FERD3L: variants seen among roughly 807,000 people sequenced by gnomAD.
The protein encoded by FERD3L is fer3-like protein.
A neutral mutation model predicts 7.5 loss-of-function variants in FERD3L; 7 were observed. The ratio of observed to expected loss-of-function variants is 0.94; its 90% CI spans 0.53 to 1.76. The LOEUF is 1.76. FERD3L is among the 40% of genes most tolerant of loss of function. The pLI is 0.00. For missense variants in FERD3L, 264 were observed against 220.9 expected (o/e 1.20, Z -1.24); for synonymous variants, 122 against 94.4 (o/e 1.29, Z -1.70).
rs746140479 is a variant in FERD3L at position 19,145,312 on chromosome 7, G to A, written c.51C>T (p.Val17=). The change falls in exon 1 of 1, where the codon GTC becomes GTT. Residue 17 remains valine (V), a synonymous_variant. Coordinates refer to ENST00000275461, the MANE Select transcript of FERD3L (RefSeq NM_152898.2). ...SCVDTTVLDF[V]ADLSLASPRR... is the part of the protein sequence containing the mutation. ...TCGGGGAGGCCAGGGACAGGTCTGCGACGAAGTCCAGCACCGTAGTGTCCA... is the reference window on the plus strand; with the variant it reads ...TCGGGGAGGCCAGGGACAGGTCTGCAACGAAGTCCAGCACCGTAGTGTCCA... 6.2e-7 allele frequency: 1 copy of A among 1,610,672 alleles called. No individual in the cohort carries two copies. Among genetic ancestry groups the A allele is most frequent in the Non-Finnish European group, 8.5e-7 (1 of 1,179,332 alleles).
Position 19,145,411 on chromosome 7 carries a change from A to C in FERD3L, c.-49T>G. On this transcript the variant is annotated 5_prime_UTR_variant, in exon 1 of 1. Transcript: ENST00000275461. ...CATCGGTTTTCCGCAGGGAGGGGCG[A>C]GGTTGCTGGTGGGGATTCTTAACAG... is the stretch of plus-strand genomic sequence containing the variant. The C allele has an allele frequency of 1.3e-6, 2 of 1,526,974 alleles. No individual in the cohort carries two copies. The highest frequency in any genetic ancestry group is 8.8e-7 in the Non-Finnish European group (1 of 1,138,340). 94.6% of individuals were successfully genotyped at this position (1,526,974 alleles called of 1,614,324 possible). A position where few individuals can be genotyped will look rare whatever the true frequency, so the allele number is the denominator to read the frequency against.
At position 19,144,878 on chromosome 7, in the gene FERD3L, T is replaced by G. The variant is rs1020087483; in HGVS notation, c.485A>C (p.Lys162Thr). The G allele has an allele frequency of 6.2e-7, 1 of 1,613,796 alleles. No individual in the cohort carries two copies. The change falls in exon 1 of 1, where the codon AAG (lysine) becomes ACG (threonine). Residue 162 changes from lysine (K) to threonine (T), a missense_variant. Lys to Thr is a moderately conservative substitution (Grantham distance 78). Transcript: ENST00000275461. Reference protein sequence around the residue: ...FMTELLESCEKKESG With the variant: ...FMTELLESCETKESG ...ACACCAGGCTCAGCCGCTTTCCTTC[T>G]TCTCACAGCTCTCCAAGAGCTCGGT... is the stretch of plus-strand genomic sequence containing the variant.
rs768494350 is a variant in FERD3L at position 19,145,145 on chromosome 7, T to C, written c.218A>G (p.Asp73Gly). The C allele has an allele frequency of 3.1e-6, 5 of 1,611,722 alleles. No homozygotes were observed. The highest frequency in any genetic ancestry group is 2.2e-5 in the East Asian group (1 of 44,778). ...CTCCTCTTCCTCCTCCTCTTCTCCG[T>C]CCCCCTGGTCCACTTCGCACTCCTC... Reference protein sequence around the residue: ...EEEECEVDQGDGEEEEEEERG... With the variant: ...EEEECEVDQGGGEEEEEEERG... The change falls in exon 1 of 1, where the codon GAC becomes GGC. Residue 73 changes from aspartate (D) to glycine (G), a missense_variant. Physicochemically the swap from Asp to Gly is moderately conservative, Grantham distance 94 (BLOSUM62 -1). Coordinates refer to ENST00000275461, the MANE Select transcript of FERD3L (RefSeq NM_152898.2).
chr7:19,145,354 G>C lies in FERD3L; in HGVS notation c.9C>G (p.Ala3=). The change falls in exon 1 of 1, where the codon GCC becomes GCG. Residue 3 remains alanine (A), a synonymous_variant. Coordinates refer to ENST00000275461, the MANE Select transcript of FERD3L (RefSeq NM_152898.2). ...TAGTGTCCACGCAGCTCTCCGGATAGGCCGCCATCGCTTCGGCTTGGCCCT... is the reference window on the plus strand; with the variant it reads ...TAGTGTCCACGCAGCTCTCCGGATACGCCGCCATCGCTTCGGCTTGGCCCT... MA[A]YPESCVDTTV... 6.3e-7 allele frequency: 1 copy of C among 1,579,940 alleles called. No homozygotes were observed. Among genetic ancestry groups the C allele is most frequent in the Non-Finnish European group, 8.6e-7 (1 of 1,158,824 alleles).
Position 19,145,337 on chromosome 7 carries a change from AC to A in FERD3L, c.25del (p.Val9TrpfsTer81). ...GACGAAGTCCAGCACCGTAGTGTCC[AC>A]GCAGCTCTCCGGATAGGCCGCCATC... MAAYPESC[V>X]DTTVLDFVAD... On this transcript the variant is annotated frameshift_variant, in exon 1 of 1. Coordinates refer to ENST00000275461, the MANE Select transcript of FERD3L (RefSeq NM_152898.2). LOFTEE classifies it high-confidence loss of function. 7 of 1,590,590 alleles carry A rather than the reference AC, an allele frequency of 4.4e-6. No homozygotes were observed. Among genetic ancestry groups the A allele is most frequent in the Non-Finnish European group, 5.2e-6 (6 of 1,164,580 alleles).
chr7:19,144,880 C>G lies in FERD3L; in HGVS notation c.483G>C (p.Glu161Asp). 3.1e-6 allele frequency: 5 copies of G among 1,614,060 alleles called. No homozygotes were observed. Among genetic ancestry groups the G allele is most frequent in the Non-Finnish European group, 4.2e-6 (5 of 1,179,936 alleles). Reference sequence around the variant, plus strand: ...ACCAGGCTCAGCCGCTTTCCTTCTTCTCACAGCTCTCCAAGAGCTCGGTCA... The same window carrying G: ...ACCAGGCTCAGCCGCTTTCCTTCTTGTCACAGCTCTCCAAGAGCTCGGTCA... Reference protein sequence around the residue: ...SFMTELLESCEKKESG With the variant: ...SFMTELLESCDKKESG Residue 161 changes from glutamate to aspartate, a missense_variant, in exon 1 of 1, where the codon GAG (glutamate) becomes GAC (aspartate). Glu to Asp is a conservative substitution (Grantham distance 45). Coordinates refer to ENST00000275461, the MANE Select transcript of FERD3L (RefSeq NM_152898.2).
Position 19,144,868 on chromosome 7 carries a change from G to C in FERD3L, c.495C>G (p.Ser165Arg). 1 of 1,613,600 alleles carries C rather than the reference G, an allele frequency of 6.2e-7. No individual in the cohort carries two copies. The highest frequency in any genetic ancestry group is 8.5e-7 in the Non-Finnish European group (1 of 1,179,586). Reference protein sequence around the residue: ...ELLESCEKKESG With the variant: ...ELLESCEKKERG ...CAGACTCTCCACACCAGGCTCAGCC[G>C]CTTTCCTTCTTCTCACAGCTCTCCA... is the stretch of plus-strand genomic sequence containing the variant. Residue 165 changes from serine to arginine, a missense_variant, in exon 1 of 1, where the codon AGC becomes AGG. By Grantham distance (110) the Ser-to-Arg change is moderately radical (BLOSUM62 -1). Transcript: ENST00000275461.
chr7:19,145,092 G>T lies in FERD3L; in HGVS notation c.271C>A (p.Arg91Ser), dbSNP rs767735592. 6.2e-7 allele frequency: 1 copy of T among 1,613,724 alleles called. No individual in the cohort carries two copies. Reference protein sequence around the residue: ...ERGRGVSLLGRPKRKRVITYA... With the variant: ...ERGRGVSLLGSPKRKRVITYA... ...GTGATCACCCTTTTCCTCTTGGGGC[G>T]GCCTAATAGGGAGACACCTCTTCCG... The change falls in exon 1 of 1, where the codon CGC (arginine) becomes AGC (serine). Residue 91 changes from arginine (R) to serine (S), a missense_variant. Physicochemically the swap from Arg to Ser is moderately radical, Grantham distance 110. Coordinates refer to ENST00000275461, the MANE Select transcript of FERD3L (RefSeq NM_152898.2).
chr7:19,145,126 T>TTCC lies in FERD3L; in HGVS notation c.234_236dup (p.Glu81dup), dbSNP rs749621995. On this transcript the variant is annotated inframe_insertion, in exon 1 of 1. Coordinates refer to ENST00000275461, the MANE Select transcript of FERD3L (RefSeq NM_152898.2). The stretch of plus-strand genomic sequence containing the variant: ...GGGAGACACCTCTTCCGCGCTCCTC[T>TTCC]TCCTCCTCCTCTTCTCCGTCCCCCT... 167 of 1,612,664 alleles carry TTCC rather than the reference T, an allele frequency of 1.0e-4. 1 individual carries two copies. Among genetic ancestry groups the TTCC allele is most frequent in the Non-Finnish European group, 1.3e-4 (154 of 1,179,020 alleles).
At position 19,145,121 on chromosome 7, in the gene FERD3L, T is replaced by C. The variant is rs753124786; in HGVS notation, c.242A>G (p.Glu81Gly). ...TAATAGGGAGACACCTCTTCCGCGC[T>C]CCTCTTCCTCCTCCTCTTCTCCGTC... ...QGDGEEEEEE[E>G]RGRGVSLLGR... Residue 81 changes from glutamate (E) to glycine (G), a missense_variant, in exon 1 of 1, where the codon GAG (glutamate) becomes GGG (glycine). By Grantham distance (98) the Glu-to-Gly change is moderately conservative. Transcript: ENST00000275461. The C allele has an allele frequency of 6.2e-7, 1 of 1,604,854 alleles. No homozygotes were observed. The highest frequency in any genetic ancestry group is 8.5e-7 in the Non-Finnish European group (1 of 1,173,800).
rs1185884849 is a variant in FERD3L, at chr7:19,145,382, C to G, written c.-20G>C. 2 of 1,560,828 alleles carry G rather than the reference C, an allele frequency of 1.3e-6. No individual in the cohort carries two copies. Among genetic ancestry groups the G allele is most frequent in the Non-Finnish European group, 1.7e-6 (2 of 1,151,620 alleles). ...CGCCATCGCTTCGGCTTGGCCCTGC[C>G]TCTCATCGGTTTTCCGCAGGGAGGG... is the stretch of plus-strand genomic sequence containing the variant. On this transcript the variant is annotated 5_prime_UTR_variant, in exon 1 of 1. Coordinates refer to ENST00000275461, the MANE Select transcript of FERD3L (RefSeq NM_152898.2).
At position 19,145,305 on chromosome 7, in the gene FERD3L, G is replaced by T. The variant is rs771969370; in HGVS notation, c.58C>A (p.Leu20Met). The change falls in exon 1 of 1, where the codon CTG (leucine) becomes ATG (methionine). Residue 20 changes from leucine to methionine, a missense_variant. Coordinates refer to ENST00000275461, the MANE Select transcript of FERD3L (RefSeq NM_152898.2). ...DTTVLDFVAD[L>M]SLASPRRPLL... ...GGGCGTCTCGGGGAGGCCAGGGACA[G>T]GTCTGCGACGAAGTCCAGCACCGTA... The T allele has an allele frequency of 1.9e-6, 3 of 1,611,234 alleles. No homozygotes were observed. The African/African-American group carries it at 4.0e-5, about 22-fold the overall frequency.
In FERD3L at chr7:19,145,349, G is replaced by A. The variant is rs145174585; in HGVS notation, c.14C>T (p.Pro5Leu). The A allele has an allele frequency of 8.2e-6, 13 of 1,582,254 alleles. No individual in the cohort carries two copies. Among genetic ancestry groups the A allele is most frequent in the Non-Finnish European group, 1.0e-5 (12 of 1,159,904 alleles). The change falls in exon 1 of 1, where the codon CCG (proline) becomes CTG (leucine). Residue 5 changes from proline (P) to leucine (L), a missense_variant. Pro to Leu is a moderately conservative substitution (Grantham distance 98). Coordinates refer to ENST00000275461, the MANE Select transcript of FERD3L (RefSeq NM_152898.2). The part of the protein sequence containing the change: MAAY[P>L]ESCVDTTVLD... Reference sequence around the variant, plus strand: ...CACCGTAGTGTCCACGCAGCTCTCCGGATAGGCCGCCATCGCTTCGGCTTG... The same window carrying A: ...CACCGTAGTGTCCACGCAGCTCTCCAGATAGGCCGCCATCGCTTCGGCTTG...
At position 19,145,336 on chromosome 7, in the gene FERD3L, C is replaced by A. The variant is rs1165682266; in HGVS notation, c.27G>T (p.Val9=). 1 of 1,590,394 alleles carries A rather than the reference C, an allele frequency of 6.3e-7. No individual in the cohort carries two copies. Among genetic ancestry groups the A allele is most frequent in the East Asian group, 2.3e-5 (1 of 44,216 alleles). Residue 9 remains valine (V), a synonymous_variant, in exon 1 of 1, where the codon GTG becomes GTT. Transcript: ENST00000275461. MAAYPESC[V]DTTVLDFVAD... ...CGACGAAGTCCAGCACCGTAGTGTC[C>A]ACGCAGCTCTCCGGATAGGCCGCCA... is the stretch of plus-strand genomic sequence containing the variant.
In FERD3L at chr7:19,145,237, T is replaced by C. The variant is rs1329761199; in HGVS notation, c.126A>G (p.Pro42=). Residue 42 remains proline (P), a synonymous_variant, in exon 1 of 1, where the codon CCA becomes CCG. Coordinates refer to ENST00000275461, the MANE Select transcript of FERD3L (RefSeq NM_152898.2). The stretch of plus-strand genomic sequence containing the variant: ...GTCTTCCCTCTCGGAGCGCAAGGGC[T>C]GGGTCCCCCAAGGAGACCCCGGGTG... ...DFAPGVSLGD[P]ALALREGRPR... The C allele has an allele frequency of 6.2e-7, 1 of 1,614,070 alleles. No individual in the cohort carries two copies. Among genetic ancestry groups the C allele is most frequent in the South Asian group, 1.1e-5 (1 of 91,082 alleles).
rs894297628 is a variant in FERD3L at position 19,145,384 on chromosome 7, C to G, written c.-22G>C. The G allele has an allele frequency of 7.1e-6, 11 of 1,558,174 alleles. No individual in the cohort carries two copies. In the African/African-American group the frequency reaches 8.1e-5, roughly 12 times the overall value. On this transcript the variant is annotated 5_prime_UTR_variant, in exon 1 of 1. Coordinates refer to ENST00000275461, the MANE Select transcript of FERD3L (RefSeq NM_152898.2). The stretch of plus-strand genomic sequence containing the variant: ...CCATCGCTTCGGCTTGGCCCTGCCT[C>G]TCATCGGTTTTCCGCAGGGAGGGGC...
chr7:19,145,017 T>G lies in FERD3L; in HGVS notation c.346A>C (p.Asn116His). 1.2e-6 allele frequency: 2 copies of G among 1,614,208 alleles called. No homozygotes were observed. Among genetic ancestry groups the G allele is most frequent in the Non-Finnish European group, 1.7e-6 (2 of 1,180,032 alleles). The change falls in exon 1 of 1, where the codon AAC (asparagine) becomes CAC (histidine). Residue 116 changes from asparagine to histidine, a missense_variant. By Grantham distance (68) the Asn-to-His change is moderately conservative. Transcript: ENST00000275461. Reference protein sequence around the residue: ...ANIRERKRMFNLNEAFDQLRR... With the variant: ...ANIRERKRMFHLNEAFDQLRR... ...AGCTGGTCAAAGGCCTCGTTGAGGT[T>G]GAACATCCGCTTCCTTTCGCGGATG... is the stretch of plus-strand genomic sequence containing the variant.
chr7:19,145,119 GCTCCTCTTCCTC>G lies in FERD3L; in HGVS notation c.232_243del (p.Glu78_Glu81del). On this transcript the variant is annotated inframe_deletion, in exon 1 of 1. Coordinates refer to ENST00000275461, the MANE Select transcript of FERD3L (RefSeq NM_152898.2). ...CCTAATAGGGAGACACCTCTTCCGC[GCTCCTCTTCCTC>G]CTCCTCTTCTCCGTCCCCCTGGTCC... is the stretch of plus-strand genomic sequence containing the variant. The G allele has an allele frequency of 6.3e-7, 1 of 1,595,082 alleles. No individual in the cohort carries two copies. The highest frequency in any genetic ancestry group is 1.7e-4 in the Middle Eastern group (1 of 6,016).
Position 19,145,229 on chromosome 7 carries a change from G to T in FERD3L, c.134C>A (p.Ala45Glu), listed in dbSNP as rs768552326. 6.2e-6 allele frequency: 10 copies of T among 1,613,878 alleles called. No individual in the cohort carries two copies. The Admixed American group carries it at 1.7e-4, about 27-fold the overall frequency. Reference protein sequence around the residue: ...PGVSLGDPALALREGRPRRMA... With the variant: ...PGVSLGDPALELREGRPRRMA... The stretch of plus-strand genomic sequence containing the variant: ...CCTCCTGGGTCTTCCCTCTCGGAGC[G>T]CAAGGGCTGGGTCCCCCAAGGAGAC... The change falls in exon 1 of 1, where the codon GCG becomes GAG. Residue 45 changes from alanine (A) to glutamate (E), a missense_variant. Transcript: ENST00000275461.
Sources: gnomAD v4.1 joint callset for allele counts on GRCh38, gnomAD v4.1.1 for gene constraint, MANE v1.5 for transcripts, NCBI Gene and HGNC (gene_info 2026-07-23, HGNC 2026-07-21) for gene names.